DOCK7: variants seen among roughly 807,000 people sequenced by gnomAD.
DOCK7 encodes the protein dedicator of cytokinesis 7, also known as dedicator of cytokinesis protein 7.
Under a neutral mutation model 271.0 loss-of-function variants are expected in DOCK7, and 138 were observed. The observed-to-expected ratio is 0.51, with a 90% CI of 0.44 to 0.59. The LOEUF (loss-of-function observed/expected upper bound fraction) is 0.59, where lower values mean the gene tolerates loss of function less well. Among genes scored for constraint, DOCK7 ranks in the 20% least tolerant of loss-of-function variants. The pLI, the probability that DOCK7 is intolerant of heterozygous loss-of-function variation, is 0.00. For synonymous variants in DOCK7, 823 were observed against 876.1 expected (o/e 0.94, Z 1.07); for missense variants, 2,066 against 2,592.4 (o/e 0.80, Z 4.41).
intron 39 of DOCK7, chr1:62,494,764 AT>A (rs1415710819): frequency 2.1e-5 from 5 of 242,766 alleles, no homozygotes; most frequent in Admixed American, 5.5e-5. Flanking sequence ...TTATGTGTTC[AT>A]TACAGAAACA....
At chr1:62,677,769 T>A (rs1260866489) in intron 1 of DOCK7, among the ~76,000 whole-genome samples, 2 of 152,134 alleles carry the variant, frequency 1.3e-5, no homozygotes, top group African/African-American at 4.8e-5. Flanking sequence ...TAAAAGGATA[T>A]CTACAAAAAG....
chr1:62,661,043 G>A (rs1343268524), intron 2 of DOCK7, among the ~76,000 whole-genome samples: 1 of 151,152 alleles, frequency 6.6e-6, no homozygotes, highest in Non-Finnish European at 1.5e-5. Flanking sequence ...AGGCTATAGT[G>A]AGCTATGATG....
chr1:62,499,935 C>T (rs1429949998), intron 37 of DOCK7, among the ~76,000 whole-genome samples: 1 of 11,926 alleles, frequency 8.4e-5, no homozygotes, highest in Non-Finnish European at 4.6e-4. Flanking sequence ...TAAAACTGTT[C>T]TGAAAAAAAA....
At chr1:62,462,757 T>C (rs919362512) in intron 48 of DOCK7, among the ~76,000 whole-genome samples, 1 of 151,948 alleles carries the variant, frequency 6.6e-6, no homozygotes. Context: ...TACACAAAAA[T>C]CAATTGCAAA....
At chr1:62,540,824 T>TA (rs1645504212) in intron 25 of DOCK7, among the ~76,000 whole-genome samples, 1 of 151,938 alleles carries the variant, frequency 6.6e-6, no homozygotes. Flanking sequence ...AACCTGAACA[T>TA]ATATGTAAGA....
At chr1:62,601,867 T>C in intron 14 of DOCK7, 2 of 1,606,692 alleles carry the variant, frequency 1.2e-6, no homozygotes, top group African/African-American at 1.3e-5. Context: ...TCATGTCTAC[T>C]GTGATGTTAT....
chr1:62,511,318 T>C (rs577578614), intron 33 of DOCK7: 2 of 152,334 alleles, frequency 1.3e-5, no homozygotes, highest in African/African-American at 4.8e-5. Context: ...ACTGCATGTA[T>C]GGGTTCCTTT....
At chr1:62,472,607 C>T (rs1484594561) in intron 48 of DOCK7, among the ~76,000 whole-genome samples, 2 of 152,240 alleles carry the variant, frequency 1.3e-5, no homozygotes, top group Middle Eastern at 3.4e-3. Context: ...TGTCTATGAC[C>T]TAAAGAAGTA....
intron 12 of DOCK7, chr1:62,624,961 A>G (rs1231076396): frequency 2.7e-5 from 5 of 187,536 alleles, no homozygotes; most frequent in African/African-American, 1.2e-4. Flanking sequence ...ACAGAGCGAG[A>G]CTCTGTCTCA....
chr1:62,687,782 G>C (rs1168004566), intron 1 of DOCK7: 1 of 152,914 alleles, frequency 6.5e-6, no homozygotes, highest in Non-Finnish European at 1.5e-5. Flanking sequence ...GGTGGAGGAG[G>C]GCGGACCCCG....
intron 14 of DOCK7, chr1:62,598,212 C>A: frequency 3.5e-6 from 3 of 862,186 alleles, no homozygotes; most frequent in Non-Finnish European, 4.9e-6. Flanking sequence ...ATAAAATTTC[C>A]TATTATAATT....
intron 49 of DOCK7, among the ~76,000 whole-genome samples, chr1:62,456,749 A>G (rs1645359773): frequency 6.6e-6 from 1 of 152,120 alleles, no homozygotes; most frequent in Non-Finnish European, 1.5e-5. Context: ...TCAGGGACCC[A>G]GCACCCTGGC....
intron 12 of DOCK7, 42 bp downstream of exon 12, chr1:62,625,217 G>T: frequency 6.3e-7 from 1 of 1,599,174 alleles, no homozygotes; most frequent in Non-Finnish European, 8.5e-7. Context: ...AAAAATTTAT[G>T]CACAAACATC....
intron 21 of DOCK7, chr1:62,555,295 C>T (rs908872669): frequency 6.6e-6 from 1 of 152,176 alleles, no homozygotes; most frequent in Admixed American, 6.5e-5. Flanking sequence ...AACTACCGAG[C>T]CACCACATTT....
At chr1:62,598,128 TA>T in intron 14 of DOCK7, 1 of 1,399,900 alleles carries the variant, frequency 7.1e-7, no homozygotes. Context: ...AAAATATTTC[TA>T]AGGCATGCCA....
rs777069416 is a variant in DOCK7, at chr1:62,528,241, T to C, written c.3846A>G (p.Gly1282=). The change falls in exon 31 of 50, where the codon GGA becomes GGG. Residue 1282 remains glycine (G), a synonymous_variant. Coordinates refer to ENST00000635253, the MANE Select transcript of DOCK7 (RefSeq NM_001367561.1). ...TGGCAACGGTCTGGCTTATCATACT[T>C]CCGCTCTCACTTTCATAATCATCAG... The part of the protein sequence containing the change: ...IATDDYESES[G]SMISQTVAMA... 1.1e-5 allele frequency: 17 copies of C among 1,613,766 alleles called. No homozygotes were observed. The highest frequency in any genetic ancestry group is 1.4e-5 in the Non-Finnish European group (16 of 1,179,830).
At chr1:62,604,525 A>C in intron 14 of DOCK7, 1 of 1,210,712 alleles carries the variant, frequency 8.3e-7, no homozygotes, top group Non-Finnish European at 1.2e-6. Flanking sequence ...ACATGCATCT[A>C]AAACACTGTA....
intron 14 of DOCK7, chr1:62,597,587 T>C: frequency 6.2e-7 from 1 of 1,612,844 alleles, no homozygotes; most frequent in Non-Finnish European, 8.5e-7. Flanking sequence ...TTAAGCTCCT[T>C]CTTTTTATTG....
chr1:62,667,623 G>C (rs1297624386), intron 1 of DOCK7, among the ~76,000 whole-genome samples: 1 of 152,212 alleles, frequency 6.6e-6, no homozygotes, highest in Non-Finnish European at 1.5e-5. Flanking sequence ...GCTGAGGCAG[G>C]AGAATCGCTT....
Sources: gnomAD v4.1 joint callset for allele counts (sites outside exome capture counted in the v4.1 genomes callset) on GRCh38, gnomAD v4.1.1 for gene constraint, MANE v1.5 for transcripts, NCBI Gene and HGNC (gene_info 2026-07-23, HGNC 2026-07-21) for gene names.